ELP2: variants seen among roughly 807,000 people sequenced by gnomAD.
ELP2 encodes elongator complex protein 2.
A neutral mutation model predicts 119.2 loss-of-function variants in ELP2; 90 were observed. The ratio of observed to expected loss-of-function variants is 0.75; its 90% CI spans 0.64 to 0.90. The LOEUF (loss-of-function observed/expected upper bound fraction) is 0.90, where lower values mean the gene tolerates loss of function less well. Among genes scored for constraint, ELP2 ranks in the 40% least tolerant of loss-of-function variants. ELP2 has a pLI of 0.00. For missense variants in ELP2, 921 were observed against 967.8 expected (o/e 0.95, Z 0.64); for synonymous variants, 339 against 331.0 (o/e 1.02, Z -0.26).
intron 2 of ELP2, among the ~76,000 whole-genome samples, chr18:36,133,789 A>G (rs1363394450): frequency 1.3e-5 from 2 of 150,424 alleles, no homozygotes; most frequent in Admixed American, 6.6e-5. Flanking sequence ...TTTAAGAGAC[A>G]GGATCTCTCA....
rs773030475 is a variant in ELP2, at chr18:36,167,108, T to G, written c.1962T>G (p.Val654=). 12 of 1,597,606 alleles carry G rather than the reference T, an allele frequency of 7.5e-6. No individual in the cohort carries two copies. Among genetic ancestry groups the G allele is most frequent in the African/African-American group, 1.3e-5 (1 of 74,616 alleles). Reference sequence around the variant, plus strand: ...TATACATATTTCTTTCAGAGCCAGTTTTTAGTCTTTTTGCCTTCACCAACA... The same window carrying G: ...TATACATATTTCTTTCAGAGCCAGTGTTTAGTCTTTTTGCCTTCACCAACA... The part of the protein sequence containing the change: ...QDTISPEFEP[V]FSLFAFTNKI... Residue 654 remains valine, a synonymous_variant, in exon 19 of 22, where the codon GTT becomes GTG. Transcript: ENST00000358232.
rs1833293074 is a variant in ELP2 at position 36,173,291 on chromosome 18, A to T, written c.2325-1194A>T. On this transcript the variant is annotated intron_variant, in intron 21 of 21. Coordinates refer to ENST00000358232, the MANE Select transcript of ELP2 (RefSeq NM_018255.4). ...AATGTTCTTGGAACTTCTCTGTAGG[A>T]ATTGTGTTCAGAACTAGCTTACTAA... Among the ~76,000 whole-genome samples, 3 of 152,350 alleles carry T rather than the reference A, an allele frequency of 2.0e-5. No individual in the cohort carries two copies. In the South Asian group the frequency reaches 6.2e-4, roughly 32 times the overall value.
chr18:36,144,000 G>C (rs888399895), intron 8 of ELP2, among the ~76,000 whole-genome samples: 4 of 152,094 alleles, frequency 2.6e-5, no homozygotes, highest in Admixed American at 2.6e-4. Flanking sequence ...CAGTATCCCT[G>C]GATGGTAGAT....
intron 12 of ELP2, among the ~76,000 whole-genome samples, chr18:36,156,184 A>G (rs1220413118): frequency 2.0e-5 from 3 of 152,190 alleles, no homozygotes; most frequent in Admixed American, 1.3e-4. Context: ...TTTGCCACTA[A>G]CACTACTGCT....
chr18:36,142,032 T>A (rs1012421611), intron 6 of ELP2, among the ~76,000 whole-genome samples: 1 of 152,234 alleles, frequency 6.6e-6, no homozygotes, highest in African/African-American at 2.4e-5. Context: ...TGTATCATTT[T>A]ATATCTTAAA....
intron 19 of ELP2, 168 bp from the exon 20 acceptor site, chr18:36,169,895 G>T (rs1273808463): frequency 2.3e-6 from 2 of 871,502 alleles, no homozygotes; most frequent in Admixed American, 2.1e-5. Flanking sequence ...CCTTCTTTCT[G>T]ATGCTTGAAA....
Position 36,146,203 on chromosome 18 carries a change from A to G in ELP2, c.994-47A>G, listed in dbSNP as rs1473485766. ...GGAATCAGCGATTTCTGTTGTGAGA[A>G]ACATAGACTATTGATTAAGAATTGT... On this transcript the variant is annotated intron_variant, in intron 10 of 21. Transcript: ENST00000358232. 10 of 1,612,416 alleles carry G rather than the reference A, an allele frequency of 6.2e-6. No individual in the cohort carries two copies. The African/African-American group carries it at 1.3e-4, about 22-fold the overall frequency.
chr18:36,164,555 T>G lies in ELP2; in HGVS notation c.1842T>G (p.Ser614Arg). Residue 614 changes from serine (S) to arginine (R), a missense_variant, in exon 18 of 22, where the codon AGT (serine) becomes AGG (arginine). By Grantham distance (110) the Ser-to-Arg change is moderately radical (BLOSUM62 -1). Transcript: ENST00000358232. ...AGGTGCAGAATTTAGTTTTCCACAG[T>G]TTGACAGTCACGCAGATGGCCTTCT... ...WKQVQNLVFH[S>R]LTVTQMAFSP... 3 of 1,614,094 alleles carry G rather than the reference T, an allele frequency of 1.9e-6. No homozygotes were observed. Among genetic ancestry groups the G allele is most frequent in the Non-Finnish European group, 2.5e-6 (3 of 1,179,970 alleles).
chr18:36,171,207 G>A, intron 21 of ELP2, 47 bp downstream of exon 21: 1 of 1,443,308 alleles, frequency 6.9e-7, no homozygotes, highest in African/African-American at 1.4e-5. Flanking sequence ...TAGAAATTGT[G>A]GGGTCTTTCA....
In ELP2 at chr18:36,179,307, C is replaced by CAAACAAA. The variant is rs1555649816; in HGVS notation, c.*4669_*4670insCAAAAAA. Reference sequence around the variant, plus strand: ...TGAAACCCCATCTCTACTAAAAATACAAAAAAAAAAAAAAAATTAGTCGGG... The same window carrying CAAACAAA: ...TGAAACCCCATCTCTACTAAAAATACAAACAAAAAAAAAAAAAAAAAAATTAGTCGGG... On this transcript the variant is annotated 3_prime_UTR_variant, in exon 22 of 22. Coordinates refer to ENST00000358232, the MANE Select transcript of ELP2 (RefSeq NM_018255.4). 1 of 108,778 alleles carries CAAACAAA rather than the reference C, an allele frequency of 9.2e-6. No homozygotes were observed. The highest frequency in any genetic ancestry group is 1.9e-5 in the Non-Finnish European group (1 of 53,892). 6.7% of individuals were successfully genotyped at this position (108,778 alleles called of 1,614,324 possible).
chr18:36,169,229 TCTC>T (rs2144808916), intron 19 of ELP2, among the ~76,000 whole-genome samples: 1 of 152,038 alleles, frequency 6.6e-6, no homozygotes, highest in South Asian at 2.1e-4. Flanking sequence ...CTCAGCCTGC[TCTC>T]CATTTCTTTG....
At position 36,170,153 on chromosome 18, in the gene ELP2, G is replaced by A. The variant is rs1383905731; in HGVS notation, c.2167G>A (p.Val723Met). 1 of 1,614,114 alleles carries A rather than the reference G, an allele frequency of 6.2e-7. No individual in the cohort carries two copies. The highest frequency in any genetic ancestry group is 1.7e-5 in the Admixed American group (1 of 60,026). Residue 723 changes from valine to methionine, a missense_variant, in exon 20 of 22, where the codon GTG (valine) becomes ATG (methionine). Coordinates refer to ENST00000358232, the MANE Select transcript of ELP2 (RefSeq NM_018255.4). ...CSSVLDVGGA[V>M]TAVSVCPVLH... Reference sequence around the variant, plus strand: ...CTCAGTCCTGGACGTGGGTGGGGCTGTGACAGCTGTCAGCGTCTGCCCAGT... The same window carrying A: ...CTCAGTCCTGGACGTGGGTGGGGCTATGACAGCTGTCAGCGTCTGCCCAGT...
chr18:36,154,612 T>A (rs143856112), intron 11 of ELP2, among the ~76,000 whole-genome samples: 199 of 152,328 alleles, frequency 1.3e-3, no homozygotes, highest in African/African-American at 4.6e-3. Flanking sequence ...CAATAAATGA[T>A]GAATGGAGGG....
intron 17 of ELP2, among the ~76,000 whole-genome samples, chr18:36,161,273 A>G (rs2090730947): frequency 1.3e-5 from 2 of 152,168 alleles, no homozygotes; most frequent in African/African-American, 4.8e-5. Context: ...GACACCTGCA[A>G]TCCCGGCTAC....
intron 11 of ELP2, among the ~76,000 whole-genome samples, chr18:36,148,869 C>T (rs2090297548): frequency 6.6e-6 from 1 of 151,980 alleles, no homozygotes; most frequent in South Asian, 2.1e-4. Context: ...GACCAAGACC[C>T]TGTCTCAAAA....
intron 19 of ELP2, among the ~76,000 whole-genome samples, chr18:36,169,685 G>T (rs914108310): frequency 6.6e-6 from 1 of 152,182 alleles, no homozygotes; most frequent in Non-Finnish European, 1.5e-5. Flanking sequence ...ACCGCGCCCA[G>T]CCCAAAAGCT....
Position 36,174,861 on chromosome 18 carries a change from AT to A in ELP2, c.*225del. On this transcript the variant is annotated 3_prime_UTR_variant, in exon 22 of 22. Transcript: ENST00000358232. ...AGAGGCACACCACCAATTCCGGCTA[AT>A]TTTTGTATTTTTAGTAGAGACTGGG... The A allele has an allele frequency of 2.1e-6, 1 of 471,692 alleles. No homozygotes were observed. Among genetic ancestry groups the A allele is most frequent in the East Asian group, 3.9e-5 (1 of 25,706 alleles). The allele number at this position is 471,692 out of a possible 1,614,324, so 29.2% of individuals were successfully genotyped here.
intron 11 of ELP2, among the ~76,000 whole-genome samples, chr18:36,148,558 CT>C (rs2090288305): frequency 6.6e-6 from 1 of 152,108 alleles, no homozygotes; most frequent in Non-Finnish European, 1.5e-5. Flanking sequence ...GCCAGGGATC[CT>C]TTACATCAAA....
In ELP2 at chr18:36,161,720, C is replaced by T. The variant is rs946809175; in HGVS notation, c.1761+716C>T. On this transcript the variant is annotated intron_variant, in intron 17 of 21. Coordinates refer to ENST00000358232, the MANE Select transcript of ELP2 (RefSeq NM_018255.4). ...TTTTAAATATGATGATAAGAGCCGC[C>T]CACCTGCATGGGCTTGTGTCCCTGC... Among the ~76,000 whole-genome samples, 4 of 152,148 alleles carry T rather than the reference C, an allele frequency of 2.6e-5. No homozygotes were observed. The East Asian group carries it at 7.7e-4, about 29-fold the overall frequency.
Sources: allele counts gnomAD v4.1 joint callset (sites outside exome capture counted in the v4.1 genomes callset), GRCh38; gene constraint gnomAD v4.1.1; transcripts MANE v1.5; gene names NCBI Gene and HGNC (gene_info 2026-07-23, HGNC 2026-07-21).